CDH13: variants seen among roughly 807,000 people sequenced by gnomAD.
The protein encoded by CDH13 is cadherin 13.
Under a neutral mutation model 63.8 loss-of-function variants are expected in CDH13, and 24 were observed. The observed-to-expected ratio is 0.38, with a 90% CI of 0.27 to 0.53. The LOEUF is 0.53. Among genes scored for constraint, CDH13 ranks in the 20% least tolerant of loss-of-function variants. The probability of loss-of-function intolerance (pLI) is 0.85; values close to 1 mark genes in which losing one functional copy is unlikely to be tolerated. For synonymous variants in CDH13, 503 were observed against 355.3 expected (o/e 1.42, Z -4.67); for missense variants, 1,049 against 903.1 (o/e 1.16, Z -2.07).
At chr16:83,163,021 G>T (rs1278110589) in intron 4 of CDH13, among the ~76,000 whole-genome samples, 3 of 152,074 alleles carry the variant, frequency 2.0e-5, no homozygotes, top group African/African-American at 4.8e-5. Context: ...GGAGGTGATT[G>T]AATCATTGAG....
chr16:83,085,523 G>A (rs2033537010), intron 3 of CDH13, among the ~76,000 whole-genome samples: 1 of 152,140 alleles, frequency 6.6e-6, no homozygotes, highest in Admixed American at 6.5e-5. Flanking sequence ...GTCCTCTTTG[G>A]AATAAGAAAG....
At chr16:83,284,880 A>G (rs889370576) in intron 5 of CDH13, among the ~76,000 whole-genome samples, 2 of 152,204 alleles carry the variant, frequency 1.3e-5, no homozygotes, top group Admixed American at 6.5e-5. Flanking sequence ...TAATAGGGAA[A>G]TGATTTTTGT....
chr16:83,073,448 T>G (rs955016587), intron 3 of CDH13, among the ~76,000 whole-genome samples: 2 of 152,028 alleles, frequency 1.3e-5, no homozygotes, highest in Non-Finnish European at 2.9e-5. Flanking sequence ...GACCTTTTTC[T>G]GTATTTAATT....
chr16:82,888,642 C>T (rs1432743646), intron 2 of CDH13, among the ~76,000 whole-genome samples: 1 of 152,198 alleles, frequency 6.6e-6, no homozygotes, highest in African/African-American at 2.4e-5. Context: ...TCCCCTAGCA[C>T]TGAAGTTCTG....
At chr16:82,701,814 G>A (rs1274361305) in intron 1 of CDH13, among the ~76,000 whole-genome samples, 1 of 152,044 alleles carries the variant, frequency 6.6e-6, no homozygotes, top group East Asian at 1.9e-4. Flanking sequence ...CATTTGCTAT[G>A]AACAAGGGGA....
At chr16:82,767,376 G>C (rs969273787) in intron 1 of CDH13, among the ~76,000 whole-genome samples, 2 of 152,308 alleles carry the variant, frequency 1.3e-5, no homozygotes, top group African/African-American at 4.8e-5. Flanking sequence ...TCTAGAACTT[G>C]ATATAAATAG....
intron 1 of CDH13, among the ~76,000 whole-genome samples, chr16:82,654,393 A>G (rs16958020): frequency 0.044 from 6,730 of 152,310 alleles, 484 homozygotes; most frequent in African/African-American, 0.15. Flanking sequence ...TGAGCCAAGC[A>G]TATAACATTG....
chr16:82,652,857 C>T (rs770348917), intron 1 of CDH13, among the ~76,000 whole-genome samples: 7 of 152,272 alleles, frequency 4.6e-5, no homozygotes, highest in Middle Eastern at 3.4e-3. Context: ...GAGAGAGGCA[C>T]ATTTAACAAA....
At chr16:83,792,853 A>G (rs1053718476) in intron 13 of CDH13, among the ~76,000 whole-genome samples, 2 of 152,262 alleles carry the variant, frequency 1.3e-5, no homozygotes, top group African/African-American at 4.8e-5. Context: ...TTCATATTTT[A>G]TAACTGTCTT....
intron 4 of CDH13, among the ~76,000 whole-genome samples, chr16:83,153,110 G>A (rs922823160): frequency 6.6e-5 from 10 of 152,192 alleles, no homozygotes; most frequent in African/African-American, 2.2e-4. Context: ...AGCTGTGTGG[G>A]AGACTGGAGT....
At chr16:83,722,317 T>C (rs991200195) in intron 10 of CDH13, among the ~76,000 whole-genome samples, 1 of 152,228 alleles carries the variant, frequency 6.6e-6, no homozygotes, top group African/African-American at 2.4e-5. Flanking sequence ...CAGCTACATA[T>C]GTACAGTGTC....
chr16:82,996,512 G>C (rs1912220588), intron 2 of CDH13, among the ~76,000 whole-genome samples: 1 of 152,154 alleles, frequency 6.6e-6, no homozygotes, highest in South Asian at 2.1e-4. Flanking sequence ...TTCTTGACAA[G>C]CACTCTTTGG....
At chr16:82,794,725 T>C (rs1346182859) in intron 1 of CDH13, among the ~76,000 whole-genome samples, 1 of 152,204 alleles carries the variant, frequency 6.6e-6, no homozygotes, top group Non-Finnish European at 1.5e-5. Flanking sequence ...AGCCTTAATA[T>C]TTCAAAAACT....
chr16:83,696,599 G>T (rs567620566), intron 10 of CDH13, among the ~76,000 whole-genome samples: 4 of 152,162 alleles, frequency 2.6e-5, no homozygotes, highest in Admixed American at 6.5e-5. Flanking sequence ...TTATAAAGAT[G>T]CAACATTTTA....
chr16:83,404,250 C>T (rs1402099702), intron 6 of CDH13, among the ~76,000 whole-genome samples: 1 of 152,198 alleles, frequency 6.6e-6, no homozygotes, highest in Non-Finnish European at 1.5e-5. Flanking sequence ...AGAGAGCCAA[C>T]AAAATCCTTC....
At chr16:82,855,506 A>G (rs1414856393) in intron 1 of CDH13, among the ~76,000 whole-genome samples, 1 of 152,196 alleles carries the variant, frequency 6.6e-6, no homozygotes, top group Non-Finnish European at 1.5e-5. Context: ...ACCATTTGCT[A>G]TTTAACTGAA....
At chr16:83,201,891 G>A (rs1048239859) in intron 4 of CDH13, among the ~76,000 whole-genome samples, 2 of 152,142 alleles carry the variant, frequency 1.3e-5, no homozygotes, top group Non-Finnish European at 2.9e-5. Flanking sequence ...CTCCAGCCTA[G>A]GCAACAGAGC....
chr16:82,748,225 C>G (rs2034263403), intron 1 of CDH13, among the ~76,000 whole-genome samples: 1 of 152,184 alleles, frequency 6.6e-6, no homozygotes, highest in South Asian at 2.1e-4. Context: ...AGAAAAGAGG[C>G]TGGATCCACA....
At chr16:82,697,430 T>C (rs922521230) in intron 1 of CDH13, among the ~76,000 whole-genome samples, 3 of 122,282 alleles carry the variant, frequency 2.5e-5, no homozygotes, top group African/African-American at 3.8e-5. Flanking sequence ...TTTCTTTTTT[T>C]TTTTTTTTTT....
Sources: gnomAD v4.1 joint callset for allele counts (sites outside exome capture counted in the v4.1 genomes callset) on GRCh38, gnomAD v4.1.1 for gene constraint, MANE v1.5 for transcripts, NCBI Gene and HGNC (gene_info 2026-07-23, HGNC 2026-07-21) for gene names.